ST7L: variants seen among roughly 807,000 people sequenced by gnomAD.
ST7L encodes the protein suppressor of tumorigenicity 7 protein-like.
In ST7L, 57 loss-of-function variants were observed where a neutral mutation model predicts 72.5. That is an observed-to-expected ratio of 0.79 (90% CI 0.64 to 0.98). ST7L has a LOEUF of 0.98. ST7L is among the 50% of genes least tolerant of loss of function. The pLI is 0.00. For synonymous variants in ST7L, 221 were observed against 240.9 expected (o/e 0.92, Z 0.77); for missense variants, 576 against 672.2 (o/e 0.86, Z 1.58).
intron 9 of ST7L, among the ~76,000 whole-genome samples, chr1:112,578,743 C>T (rs1663563418): frequency 1.3e-5 from 2 of 152,076 alleles, no homozygotes; most frequent in East Asian, 3.9e-4. Context: ...CATTGCGCTC[C>T]AGCCTGGGCA....
intron 1 of ST7L, chr1:112,618,275 G>A (rs1018241187): frequency 7.6e-6 from 8 of 1,054,584 alleles, no homozygotes; most frequent in Non-Finnish European, 9.2e-6. Context: ...CACAGAATAC[G>A]TAGCAAGTGT....
intron 14 of ST7L, chr1:112,528,158 TA>T (rs1378079120): frequency 6.6e-6 from 1 of 152,168 alleles, no homozygotes; most frequent in Non-Finnish European, 1.5e-5. Flanking sequence ...GTTGAATTTT[TA>T]AAAGATAGCT....
chr1:112,554,123 G>A (rs1250770137), intron 12 of ST7L, among the ~76,000 whole-genome samples: 1 of 152,148 alleles, frequency 6.6e-6, no homozygotes. Flanking sequence ...GGGAACTGAG[G>A]CGGGTTAACC....
intron 13 of ST7L, among the ~76,000 whole-genome samples, chr1:112,543,697 C>T (rs1329309667): frequency 6.6e-6 from 1 of 151,832 alleles, no homozygotes; most frequent in Non-Finnish European, 1.5e-5. Flanking sequence ...AGTGAAACCC[C>T]ATCTCTACTA....
intron 9 of ST7L, among the ~76,000 whole-genome samples, chr1:112,580,338 A>G (rs1167502336): frequency 6.6e-6 from 1 of 152,124 alleles, no homozygotes. Context: ...TTTTTTTTAG[A>G]AATGGGTTTT....
At chr1:112,574,198 T>A (rs1486703041) in intron 11 of ST7L, among the ~76,000 whole-genome samples, 2 of 146,884 alleles carry the variant, frequency 1.4e-5, no homozygotes, top group African/African-American at 5.0e-5. Flanking sequence ...ATTACAGGTG[T>A]GAGCCACTGC....
chr1:112,570,218 T>C (rs948932984), intron 11 of ST7L, among the ~76,000 whole-genome samples: 6 of 152,094 alleles, frequency 3.9e-5, no homozygotes, highest in African/African-American at 1.2e-4. Flanking sequence ...GAACACATGC[T>C]GTTCTATTTT....
chr1:112,544,967 A>G (rs1656802601), intron 13 of ST7L, among the ~76,000 whole-genome samples: 1 of 152,194 alleles, frequency 6.6e-6, no homozygotes, highest in Non-Finnish European at 1.5e-5. Context: ...AGAAAAATTT[A>G]TCAGAAGGCA....
downstream of ST7L, chr1:112,522,694 T>C (rs960235124): frequency 6.6e-6 from 1 of 152,210 alleles, no homozygotes; most frequent in Admixed American, 6.6e-5. Context: ...TTTAGGGTGG[T>C]TTTTCTTTTG....
chr1:112,573,534 TTATGA>T (rs1353814868), intron 11 of ST7L, among the ~76,000 whole-genome samples: 1 of 152,062 alleles, frequency 6.6e-6, no homozygotes, highest in Non-Finnish European at 1.5e-5. Flanking sequence ...ATTTCAATAG[TTATGA>T]TATGCTTAGA....
At chr1:112,603,784 T>C (rs991169437) in intron 3 of ST7L, among the ~76,000 whole-genome samples, 2 of 152,156 alleles carry the variant, frequency 1.3e-5, no homozygotes, top group Non-Finnish European at 2.9e-5. Flanking sequence ...TGAAACTGAG[T>C]TCTTGTTGTG....
At chr1:112,602,083 C>CAAAAAAAAAAAAAAAAAAAAAAAAAAA (rs71584754) in intron 3 of ST7L, among the ~76,000 whole-genome samples, 1 of 89,060 alleles carries the variant, frequency 1.1e-5, no homozygotes. Context: ...AAACTCCATC[C>CAAAAAAAAAAAAAAAAAAAAAAAAAAA]AAAAAAAAAA....
At chr1:112,617,149 G>T in intron 1 of ST7L, 1 of 235,152 alleles carries the variant, frequency 4.3e-6, no homozygotes, top group Admixed American at 5.6e-5. Context: ...AATTTAGATA[G>T]AACTTTTGCA....
At chr1:112,592,827 A>AC (rs144922692) in intron 5 of ST7L, among the ~76,000 whole-genome samples, 2,820 of 152,330 alleles carry the variant, frequency 0.019, 74 homozygotes, top group East Asian at 0.093. Flanking sequence ...CATTGTGATA[A>AC]CAATCTTTCA....
chr1:112,539,862 A>G (rs1655825273), intron 14 of ST7L: 1 of 985,134 alleles, frequency 1.0e-6, no homozygotes, highest in Non-Finnish European at 1.2e-6. Flanking sequence ...TGGCTGTAAA[A>G]GTTTACCATT....
chr1:112,564,766 G>A (rs1328440751), intron 11 of ST7L, among the ~76,000 whole-genome samples: 1 of 143,912 alleles, frequency 6.9e-6, no homozygotes, highest in Non-Finnish European at 1.5e-5. Flanking sequence ...GCAGTGAGCC[G>A]AGACTGTGCC....
intron 11 of ST7L, 145 bp downstream of exon 11, chr1:112,576,841 C>A: frequency 1.9e-6 from 1 of 531,362 alleles, no homozygotes; most frequent in East Asian, 3.1e-5. Flanking sequence ...TTCAACGTCC[C>A]CTGTAAGGTG....
chr1:112,543,053 G>C (rs1656426301), intron 13 of ST7L, among the ~76,000 whole-genome samples: 1 of 152,076 alleles, frequency 6.6e-6, no homozygotes, highest in Admixed American at 6.5e-5. Context: ...GTCCACCTCG[G>C]CCTCCCAAAG....
At chr1:112,528,186 C>A (rs138110393) in intron 14 of ST7L, 1 of 152,246 alleles carries the variant, frequency 6.6e-6, no homozygotes, top group East Asian at 1.9e-4. Context: ...GTTTTATGAA[C>A]TGACTGAGGG....
Sources: gnomAD v4.1 joint callset for allele counts (sites outside exome capture counted in the v4.1 genomes callset) on GRCh38, gnomAD v4.1.1 for gene constraint, MANE v1.5 for transcripts, NCBI Gene and HGNC (gene_info 2026-07-23, HGNC 2026-07-21) for gene names.